The following SASH1 variants were observed in gnomAD, a reference collection of about 807,000 sequenced individuals.
SASH1 encodes the protein SAM and SH3 domain containing 1.
SASH1 carries 44 observed loss-of-function variants against 125.2 expected under a neutral mutation model. The ratio of observed to expected loss-of-function variants is 0.35; its 90% CI spans 0.28 to 0.45. The LOEUF is 0.45. Among genes scored for constraint, SASH1 ranks in the 20% least tolerant of loss-of-function variants. The pLI is 1.00. For missense variants in SASH1, 1,426 were observed against 1,614.5 expected, an observed-to-expected ratio of 0.88 and a Z score of 2.00; for synonymous variants, 639 against 649.1, an observed-to-expected ratio of 0.98 and a Z score of 0.24.
chr6:148,387,654 T>C (rs1173528448), intron 1 of SASH1, among the ~76,000 whole-genome samples: 3 of 79,656 alleles, frequency 3.8e-5, no homozygotes, highest in African/African-American at 1.2e-4. Context: ...CTTTCTTTCT[T>C]TCTTTCTTTC....
chr6:148,356,684 A>C (rs879852897), intron 1 of SASH1, among the ~76,000 whole-genome samples: 34 of 151,808 alleles, frequency 2.2e-4, no homozygotes, highest in African/African-American at 8.2e-4. Flanking sequence ...CGAGCTCCTG[A>C]CCTCAGGTGA....
intron 2 of SASH1, among the ~76,000 whole-genome samples, chr6:148,421,650 A>G (rs1583130844): frequency 6.6e-6 from 1 of 152,212 alleles, no homozygotes; most frequent in African/African-American, 2.4e-5. Flanking sequence ...AAGTAGGAAC[A>G]TTTGAAAGAC....
At chr6:148,298,643 AAGGAAGGG>A (rs1244364300) in intron 1 of SASH1, among the ~76,000 whole-genome samples, 20 of 113,014 alleles carry the variant, frequency 1.8e-4, no homozygotes, top group South Asian at 4.1e-4. Context: ...TGAAAGAAGG[AAGGAAGGG>A]AGGGAGGGAG....
chr6:148,544,927 GACAGGAGACACCTGAATCCA>G lies in SASH1; in HGVS notation c.3348+110_3348+129del. On this transcript the variant is annotated intron_variant, in intron 18 of 19. Coordinates refer to ENST00000367467, the MANE Select transcript of SASH1 (RefSeq NM_015278.5). This position sits in a 1 kb window ranked among gnomAD's most constrained non-coding sequence, Gnocchi z 6.4. ...AGCCAGCCCGGTAGCCCGCCCAGTG[GACAGGAGACACCTGAATCCA>G]CGTGTCCACACCTTACTTGACATGC... The G allele has an allele frequency of 1.9e-6, 2 of 1,042,672 alleles. No individual in the cohort carries two copies. Among genetic ancestry groups the G allele is most frequent in the Non-Finnish European group, 2.7e-6 (2 of 734,774 alleles). The allele number at this position is 1,042,672 out of a possible 1,614,324, so 64.6% of individuals were successfully genotyped here.
chr6:148,542,746 C>A (rs1782298818), intron 17 of SASH1, among the ~76,000 whole-genome samples: 1 of 152,158 alleles, frequency 6.6e-6, no homozygotes, highest in Non-Finnish European at 1.5e-5. Context: ...ACAATAATAT[C>A]CTACAAATGC....
intron 4 of SASH1, among the ~76,000 whole-genome samples, chr6:148,452,529 C>T (rs1362155599): frequency 3.3e-5 from 5 of 152,330 alleles, no homozygotes; most frequent in Middle Eastern, 3.4e-3. Flanking sequence ...AGAATCTGAG[C>T]GTGAGTTTAC....
chr6:148,513,293 T>C (rs1424127160), intron 8 of SASH1: 2 of 985,292 alleles, frequency 2.0e-6, no homozygotes, highest in African/African-American at 3.5e-5. Flanking sequence ...GGAGAGAAGG[T>C]TGTTGTCAGG....
intron 2 of SASH1, among the ~76,000 whole-genome samples, chr6:148,414,085 A>C (rs1190426075): frequency 1.3e-5 from 2 of 152,104 alleles, no homozygotes; most frequent in Non-Finnish European, 2.9e-5. Context: ...GTTGTCCTAT[A>C]AAATTTGTGT....
At chr6:148,405,968 G>C (rs1228836484) in intron 2 of SASH1, among the ~76,000 whole-genome samples, 2 of 152,334 alleles carry the variant, frequency 1.3e-5, no homozygotes, top group Admixed American at 6.5e-5. Flanking sequence ...TCCAGTTCTT[G>C]TGCTGGAAGT....
intron 1 of SASH1, among the ~76,000 whole-genome samples, chr6:148,326,347 T>TATGC (rs1554235329): frequency 3.3e-5 from 3 of 90,114 alleles, no homozygotes; most frequent in African/African-American, 1.3e-4. Context: ...TATATATATA[T>TATGC]ATATATATAT....
intron 1 of SASH1, among the ~76,000 whole-genome samples, chr6:148,301,082 C>T (rs1279597430): frequency 1.3e-5 from 2 of 151,906 alleles, no homozygotes; most frequent in Non-Finnish European, 2.9e-5. Context: ...AATCCTAGCA[C>T]TTGGGAGGCC....
the SASH1 span, among the ~76,000 whole-genome samples, chr6:148,202,878 C>A: frequency 5.3e-5 from 8 of 151,836 alleles, no homozygotes; most frequent in African/African-American, 1.7e-4. Context: ...CGCTTGAACC[C>A]GGTAGGCAGA....
the SASH1 span, among the ~76,000 whole-genome samples, chr6:148,246,819 C>T: frequency 9.2e-5 from 14 of 152,174 alleles, no homozygotes; most frequent in Non-Finnish European, 1.9e-4. Flanking sequence ...AAGTTTGCGT[C>T]GCTACGAGTT....
chr6:148,546,266 G>A, intron 19 of SASH1, 120 bp downstream of exon 19: 2 of 1,166,864 alleles, frequency 1.7e-6, no homozygotes, highest in Non-Finnish European at 2.4e-6. Context: ...GGAGACAGCT[G>A]GGGAGAAAGT....
At chr6:148,212,620 T>C in the SASH1 span, among the ~76,000 whole-genome samples, 1 of 152,160 alleles carries the variant, frequency 6.6e-6, no homozygotes, top group African/African-American at 2.4e-5. Flanking sequence ...ATGCGGGTGG[T>C]ATTATATGAT....
intron 2 of SASH1, among the ~76,000 whole-genome samples, chr6:148,409,155 G>A (rs1203046778): frequency 6.6e-6 from 1 of 152,054 alleles, no homozygotes; most frequent in African/African-American, 2.4e-5. Flanking sequence ...TATTATTCAC[G>A]TGCTTGTCTC....
intron 1 of SASH1, among the ~76,000 whole-genome samples, chr6:148,389,710 C>G (rs1783620010): frequency 6.6e-6 from 1 of 152,128 alleles, no homozygotes; most frequent in African/African-American, 2.4e-5. Flanking sequence ...GTCCAGGGGC[C>G]ACATTGGGCA....
the SASH1 span, among the ~76,000 whole-genome samples, chr6:148,243,450 A>AAATAATAATAATAATAAT: frequency 4.0e-3 from 558 of 138,536 alleles, 2 homozygotes; most frequent in South Asian, 6.7e-3. Context: ...AATTCCATCT[A>AAATAATAATAATAATAAT]AATAATAATA....
At position 148,544,604 on chromosome 6, in the gene SASH1, C is replaced by T; in HGVS notation, c.3134C>T (p.Ser1045Leu). ...CPPALAPRPL[S>L]GQAPGSPPST... ...CCAGCACTGGCTCCCAGGCCTCTCT[C>T]AGGGCAGGCGCCTGGCAGCCCACCA... Residue 1045 changes from serine to leucine, a missense_variant, in exon 18 of 20, where the codon TCA becomes TTA. Coordinates refer to ENST00000367467, the MANE Select transcript of SASH1 (RefSeq NM_015278.5). The surrounding 1 kb of genome is among the most constrained non-coding windows in gnomAD (Gnocchi z 6.4). The T allele has an allele frequency of 6.2e-7, 1 of 1,613,330 alleles. No homozygotes were observed. The highest frequency in any genetic ancestry group is 8.5e-7 in the Non-Finnish European group (1 of 1,179,876).
Sources: gnomAD v4.1 joint callset for allele counts (sites outside exome capture counted in the v4.1 genomes callset) on GRCh38, gnomAD v4.1.1 for gene constraint, Gnocchi (gnomAD v3.1) non-coding constraint, MANE v1.5 for transcripts, NCBI Gene and HGNC (gene_info 2026-07-23, HGNC 2026-07-21) for gene names.